The following AMD1 variants were observed in gnomAD, a reference collection of about 807,000 sequenced individuals.
The protein encoded by AMD1 is S-adenosylmethionine decarboxylase proenzyme.
AMD1 carries 11 observed loss-of-function variants against 40.2 expected under a neutral mutation model. The observed-to-expected ratio is 0.27, with a 90% CI of 0.17 to 0.45. The LOEUF (loss-of-function observed/expected upper bound fraction) is 0.45, where lower values mean the gene tolerates loss of function less well. Among genes scored for constraint, AMD1 ranks in the 20% least tolerant of loss-of-function variants. The probability of loss-of-function intolerance (pLI) is 1.00; values close to 1 mark genes in which losing one functional copy is unlikely to be tolerated. For missense variants in AMD1, 257 were observed against 410.2 expected, an observed-to-expected ratio of 0.63 and a Z score of 3.23; for synonymous variants, 121 against 130.8, an observed-to-expected ratio of 0.93 and a Z score of 0.51.
chr6:110,814,771 G>A, the AMD1 span: 1 of 661,646 alleles, frequency 1.5e-6, no homozygotes. Flanking sequence ...GCCCCTCTGG[G>A]ACGGGACCGA....
the AMD1 span, among the ~76,000 whole-genome samples, chr6:110,838,954 A>G: frequency 6.6e-6 from 1 of 151,938 alleles, no homozygotes; most frequent in Non-Finnish European, 1.5e-5. Context: ...TTTAGTAGAG[A>G]TGGGGTTTCA....
chr6:110,876,907 A>T (rs1785144401), intron 1 of AMD1, among the ~76,000 whole-genome samples: 1 of 152,244 alleles, frequency 6.6e-6, no homozygotes, highest in South Asian at 2.1e-4. Context: ...GCCCTTAAAT[A>T]ATAGTAAGTA....
chr6:110,816,456 A>C, the AMD1 span, among the ~76,000 whole-genome samples: 1 of 152,100 alleles, frequency 6.6e-6, no homozygotes. Flanking sequence ...AAAATACGCC[A>C]CTCTGGCATA....
the AMD1 span, chr6:110,815,200 TC>T: frequency 6.0e-6 from 8 of 1,324,950 alleles, no homozygotes; most frequent in Admixed American, 2.6e-5. Context: ...CTCCTCCTCC[TC>T]CCCCCGCGAC....
chr6:110,840,108 TC>T, the AMD1 span, among the ~76,000 whole-genome samples: 1 of 142,966 alleles, frequency 7.0e-6, no homozygotes, highest in Admixed American at 7.5e-5. Context: ...AACCTCCACC[TC>T]CTGGGTTCAA....
Position 110,890,481 on chromosome 6 carries a change from T to C in AMD1, c.427+125T>C. The C allele has an allele frequency of 7.1e-6, 5 of 709,170 alleles. No homozygotes were observed. The Admixed American group carries it at 1.7e-4, about 24-fold the overall frequency. The allele number at this position is 709,170 out of a possible 1,614,324, so 43.9% of individuals were successfully genotyped here. A position where few individuals can be genotyped will look rare whatever the true frequency, so the allele number is the denominator to read the frequency against. On this transcript the variant is annotated intron_variant, in intron 4 of 8. Transcript: ENST00000368885. ...TTCTACACACACTAATACTTGCTTT[T>C]CTTGTGGGTTTTTTGGTTTGTTTTA...
At chr6:110,867,046 C>T in the AMD1 span, among the ~76,000 whole-genome samples, 2 of 152,118 alleles carry the variant, frequency 1.3e-5, no homozygotes, top group African/African-American at 4.8e-5. Flanking sequence ...ATCTCCTGAC[C>T]TCGTGATCCA....
At chr6:110,874,035 G>C (rs752082349), upstream of AMD1, among the ~76,000 whole-genome samples, 2 of 152,242 alleles carry the variant, frequency 1.3e-5, no homozygotes, top group Non-Finnish European at 2.9e-5. Context: ...GTGCTTCCCG[G>C]AGGCTGCTGT....
the AMD1 span, among the ~76,000 whole-genome samples, chr6:110,817,641 C>G: frequency 6.6e-6 from 1 of 152,152 alleles, no homozygotes; most frequent in African/African-American, 2.4e-5. Flanking sequence ...CAAGAAAAAT[C>G]TCAGTTGCTC....
the AMD1 span, among the ~76,000 whole-genome samples, chr6:110,833,485 G>A: frequency 5.6e-4 from 85 of 152,340 alleles, no homozygotes; most frequent in African/African-American, 1.9e-3. Flanking sequence ...TGATCAGTAA[G>A]TCTGGAGAAA....
At chr6:110,853,435 G>A in the AMD1 span, among the ~76,000 whole-genome samples, 1 of 151,902 alleles carries the variant, frequency 6.6e-6, no homozygotes, top group Non-Finnish European at 1.5e-5. Flanking sequence ...AGCCTCCTGA[G>A]TAGCTGGGAC....
rs1785026859 is a variant in AMD1 at position 110,875,183 on chromosome 6, C to A, written c.78C>A (p.Asn26Lys). The change falls in exon 1 of 9, where the codon AAC becomes AAA. Residue 26 changes from asparagine to lysine, a missense_variant. This residue lies in a region of AMD1 where 57 missense variants were observed against 76.8 expected (regional missense o/e 0.74). Transcript: ENST00000368885. ...TCTCCCGGCAGCAGCCCGACGCAAA[C>A]CAAGGATCTGGGGATCTTCGCACTA... ...VWFSRQQPDA[N>K]QGSGDLRTIP... 6.2e-7 allele frequency: 1 copy of A among 1,612,800 alleles called. No individual in the cohort carries two copies. The highest frequency in any genetic ancestry group is 1.3e-5 in the African/African-American group (1 of 74,880).
the AMD1 span, among the ~76,000 whole-genome samples, chr6:110,853,099 G>A: frequency 6.7e-6 from 1 of 150,210 alleles, no homozygotes; most frequent in Middle Eastern, 3.4e-3. Flanking sequence ...GCATACAACA[G>A]CATTTCTATT....
At chr6:110,868,731 G>A in the AMD1 span, among the ~76,000 whole-genome samples, 1 of 152,056 alleles carries the variant, frequency 6.6e-6, no homozygotes, top group Non-Finnish European at 1.5e-5. Context: ...ATTATACATA[G>A]TTACTTTTGT....
chr6:110,874,975 CAAAA>C lies in AMD1; in HGVS notation c.-123_-120del. ...AAAAAAAGTTAATATAAAATTATAG[CAAAA>C]AAAAAAAGGAACCTGAACTTTAGTA... On this transcript the variant is annotated 5_prime_UTR_variant, in exon 1 of 9. Coordinates refer to ENST00000368885, the MANE Select transcript of AMD1 (RefSeq NM_001634.6). The C allele has an allele frequency of 1.9e-6, 1 of 529,912 alleles. No homozygotes were observed. Among genetic ancestry groups the C allele is most frequent in the South Asian group, 2.5e-5 (1 of 40,402 alleles). 32.8% of individuals were successfully genotyped at this position (529,912 alleles called of 1,614,324 possible).
At chr6:110,867,043 G>A in the AMD1 span, among the ~76,000 whole-genome samples, 6 of 152,126 alleles carry the variant, frequency 3.9e-5, no homozygotes, top group East Asian at 1.2e-3. Flanking sequence ...TCGATCTCCT[G>A]ACCTCGTGAT....
upstream of AMD1, among the ~76,000 whole-genome samples, chr6:110,872,059 G>A (rs1784927703): frequency 6.6e-6 from 1 of 152,232 alleles, no homozygotes; most frequent in Non-Finnish European, 1.5e-5. Flanking sequence ...GAAAGATTGA[G>A]TAAATGGGGA....
the AMD1 span, among the ~76,000 whole-genome samples, chr6:110,826,568 C>G: frequency 6.6e-6 from 1 of 152,094 alleles, no homozygotes. Flanking sequence ...ATTCCAGGTT[C>G]TGGTGTTGCC....
the AMD1 span, among the ~76,000 whole-genome samples, chr6:110,834,274 G>A: frequency 6.6e-6 from 1 of 152,110 alleles, no homozygotes; most frequent in African/African-American, 2.4e-5. Flanking sequence ...CGGAGTCCCA[G>A]GCTGCAGTGA....
Sources: gnomAD v4.1 joint callset for allele counts (sites outside exome capture counted in the v4.1 genomes callset) on GRCh38, gnomAD v4.1.1 for gene constraint, gnomAD v4.1.1 regional missense constraint, MANE v1.5 for transcripts, NCBI Gene and HGNC (gene_info 2026-07-23, HGNC 2026-07-21) for gene names.